Variants in ZNF335 observed in about 807,000 individuals in gnomAD.
ZNF335 encodes the protein zinc finger protein 335.
Under a neutral mutation model 145.6 loss-of-function variants are expected in ZNF335, and 84 were observed. The ratio of observed to expected loss-of-function variants is 0.58; its 90% CI spans 0.48 to 0.69. The LOEUF (loss-of-function observed/expected upper bound fraction) is 0.69, where lower values mean the gene tolerates loss of function less well. ZNF335 is among the 30% of genes least tolerant of loss of function. The probability of loss-of-function intolerance (pLI) is 0.00; values close to 1 mark genes in which losing one functional copy is unlikely to be tolerated. For missense variants in ZNF335, 1,865 were observed against 1,809.7 expected (o/e 1.03, Z -0.55); for synonymous variants, 761 against 717.0 (o/e 1.06, Z -0.98).
rs2083574516 is a variant in ZNF335 at position 45,948,951 on chromosome 20, GC to G, written c.*1del. ...CCATGATCTGTGTTGGGCCCTCGGG[GC>G]TCAGTCATCGGCCAGGGTGATGACG... On this transcript the variant is annotated 3_prime_UTR_variant, in exon 28 of 28. Transcript: ENST00000322927. 1 of 1,613,754 alleles carries G rather than the reference GC, an allele frequency of 6.2e-7. No homozygotes were observed. The highest frequency in any genetic ancestry group is 1.7e-5 in the Admixed American group (1 of 60,014).
chr20:45,959,299 G>A lies in ZNF335; in HGVS notation c.2155C>T (p.Arg719Cys), dbSNP rs763158895. 2.6e-5 allele frequency: 40 copies of A among 1,564,284 alleles called. No homozygotes were observed. The highest frequency in any genetic ancestry group is 3.1e-5 in the Non-Finnish European group (36 of 1,151,088). Residue 719 changes from arginine (R) to cysteine (C), a missense_variant, in exon 15 of 28, where the codon CGC (arginine) becomes TGC (cysteine). Physicochemically the swap from Arg to Cys is radical, Grantham distance 180. Transcript: ENST00000322927. ...TGCAGAGAGAAGAAGGGGCGACGGC[G>A]GGAGGGGGGCTCCTCAGGGTGGCGC... ...GRRHPEEPPS[R>C]RRPFFSLQQI...
At chr20:45,971,512 C>T in intron 1 of ZNF335, 52 bp from the exon 2 acceptor site, 1 of 1,519,146 alleles carries the variant, frequency 6.6e-7, no homozygotes, top group Middle Eastern at 1.7e-4. Context: ...TCCCCAGCCC[C>T]GGCAACCACG....
chr20:45,964,083 C>T (rs566916037), intron 7 of ZNF335, 93 bp from the exon 8 acceptor site: 37 of 1,457,626 alleles, frequency 2.5e-5, no homozygotes, highest in Non-Finnish European at 3.0e-5. Context: ...TATCCTCCCA[C>T]CCACTCATCA....
intron 17 of ZNF335, among the ~76,000 whole-genome samples, chr20:45,957,106 G>A (rs923185634): frequency 2.0e-5 from 3 of 152,194 alleles, no homozygotes; most frequent in Admixed American, 2.0e-4. Flanking sequence ...AGGGGCAAAG[G>A]TGTTGAACTT....
intron 1 of ZNF335, 38 bp from the exon 2 acceptor site, chr20:45,971,498 C>G: frequency 6.5e-7 from 1 of 1,547,974 alleles, no homozygotes; most frequent in Non-Finnish European, 8.7e-7. Flanking sequence ...ACAAGTGGGC[C>G]ATCTCCCCAG....
intron 2 of ZNF335, 172 bp from the exon 3 acceptor site, chr20:45,969,863 AGTCCCCCAGG>A: frequency 1.3e-6 from 1 of 791,650 alleles, no homozygotes; most frequent in Non-Finnish European, 1.9e-6. Context: ...CCAGTCACAG[AGTCCCCCAGG>A]AAAAAGTCAC....
chr20:45,964,070 A>G (rs1250854264), intron 7 of ZNF335, 80 bp from the exon 8 acceptor site: 2 of 1,482,816 alleles, frequency 1.3e-6, no homozygotes, highest in Non-Finnish European at 1.8e-6. Context: ...AGGCCAGCCA[A>G]AATATCCTCC....
intron 7 of ZNF335, among the ~76,000 whole-genome samples, chr20:45,965,269 A>T (rs1385840999): frequency 6.6e-6 from 1 of 152,030 alleles, no homozygotes. Context: ...CCCAGCCAGT[A>T]ATGCTCCGAA....
intron 22 of ZNF335, 53 bp downstream of exon 22, chr20:45,950,166 C>CA (rs2083603803): frequency 6.3e-7 from 1 of 1,581,146 alleles, no homozygotes; most frequent in South Asian, 1.2e-5. Flanking sequence ...GGCAGTGGCC[C>CA]AAGTCTCTGG....
chr20:45,972,011 C>T, intron 1 of ZNF335, 111 bp downstream of exon 1: 1 of 1,217,408 alleles, frequency 8.2e-7, no homozygotes. Flanking sequence ...ACCCCGGGGC[C>T]CTGTTCGGAC....
At position 45,959,338 on chromosome 20, in the gene ZNF335, C is replaced by G. The variant is rs756746687; in HGVS notation, c.2116G>C (p.Glu706Gln). The G allele has an allele frequency of 1.9e-6, 3 of 1,585,710 alleles. No individual in the cohort carries two copies. Among genetic ancestry groups the G allele is most frequent in the East Asian group, 4.7e-5 (2 of 42,604 alleles). The stretch of plus-strand genomic sequence containing the variant: ...TCAGGGTGGCGCCTCCCCCATTCCT[C>G]GAAGCTGCTTGCGTGTCGGCACCGT... ...HVRCRHASSFEEWGRRHPEEP... is the reference protein window; with the variant it reads ...HVRCRHASSFQEWGRRHPEEP... Residue 706 changes from glutamate (E) to glutamine (Q), a missense_variant, in exon 15 of 28, where the codon GAG becomes CAG. Transcript: ENST00000322927.
intron 17 of ZNF335, among the ~76,000 whole-genome samples, chr20:45,956,466 G>A (rs1286288130): frequency 6.6e-6 from 1 of 152,136 alleles, no homozygotes; most frequent in Admixed American, 6.6e-5. Context: ...GACCTCAGGT[G>A]ATCCAGCCAC....
At chr20:45,966,042 G>A (rs973321363) in intron 6 of ZNF335, among the ~76,000 whole-genome samples, 5 of 152,070 alleles carry the variant, frequency 3.3e-5, no homozygotes, top group African/African-American at 1.2e-4. Context: ...CCTTCCTCCA[G>A]ACACTGTACA....
intron 7 of ZNF335, 128 bp from the exon 8 acceptor site, chr20:45,964,118 TCA>T: frequency 1.7e-6 from 2 of 1,167,312 alleles, no homozygotes; most frequent in Non-Finnish European, 2.3e-6. Context: ...GTGCATTGAG[TCA>T]CATGACACAG....
At chr20:45,964,678 C>A (rs891394938) in intron 7 of ZNF335, among the ~76,000 whole-genome samples, 2 of 152,152 alleles carry the variant, frequency 1.3e-5, no homozygotes, top group Non-Finnish European at 1.5e-5. Context: ...TTGACCTGGG[C>A]AGAATATGTG....
chr20:45,970,755 G>GTTTTTTTTTTTT (rs5841616), intron 2 of ZNF335, among the ~76,000 whole-genome samples: 1 of 127,876 alleles, frequency 7.8e-6, no homozygotes. Flanking sequence ...GGGCACTTGC[G>GTTTTTTTTTTTT]TTTTTTTTTT....
intron 6 of ZNF335, 89 bp from the exon 7 acceptor site, chr20:45,965,863 T>C (rs2083943420): frequency 2.1e-6 from 3 of 1,423,720 alleles, no homozygotes; most frequent in East Asian, 2.7e-5. Flanking sequence ...TCCCTACCCC[T>C]GCATACTCCT....
intron 16 of ZNF335, 42 bp from the exon 17 acceptor site, chr20:45,957,722 C>T (rs2083754944): frequency 1.2e-6 from 2 of 1,611,944 alleles, no homozygotes; most frequent in South Asian, 2.2e-5. Context: ...TGCTAGAAAA[C>T]TGGCACCCAA....
At position 45,971,370 on chromosome 20, in the gene ZNF335, G is replaced by C; in HGVS notation, c.41C>G (p.Pro14Arg). 1 of 1,600,648 alleles carries C rather than the reference G, an allele frequency of 6.2e-7. No individual in the cohort carries two copies. Among genetic ancestry groups the C allele is most frequent in the Non-Finnish European group, 8.5e-7 (1 of 1,179,718 alleles). ...NEVESSSDAA[P>R]GPGRPEEPSE... Reference sequence around the variant, plus strand: ...GGGCTCCTCGGGCCGGCCAGGCCCAGGGGCCGCGTCGCTGCTGCTCTCCAC... The same window carrying C: ...GGGCTCCTCGGGCCGGCCAGGCCCACGGGCCGCGTCGCTGCTGCTCTCCAC... The change falls in exon 2 of 28, where the codon CCT (proline) becomes CGT (arginine). Residue 14 changes from proline to arginine, a missense_variant. Pro to Arg is a moderately radical substitution (Grantham distance 103). Transcript: ENST00000322927.
Sources: allele counts gnomAD v4.1 joint callset (sites outside exome capture counted in the v4.1 genomes callset), GRCh38; gene constraint gnomAD v4.1.1; transcripts MANE v1.5; gene names NCBI Gene and HGNC (gene_info 2026-07-23, HGNC 2026-07-21).